The following KANK4 variants were observed in gnomAD, a reference collection of about 807,000 sequenced individuals.
KANK4 encodes the protein KN motif and ankyrin repeat domains 4.
A neutral mutation model predicts 80.8 loss-of-function variants in KANK4; 50 were observed. That is an observed-to-expected ratio of 0.62 (90% CI 0.49 to 0.78). KANK4 has a LOEUF of 0.78. Ranked by LOEUF, KANK4 falls within the 30% of genes least tolerant of loss-of-function variation. The pLI is 0.00. For missense variants in KANK4, 1,196 were observed against 1,240.1 expected, an observed-to-expected ratio of 0.96 and a Z score of 0.53; for synonymous variants, 465 against 506.9, an observed-to-expected ratio of 0.92 and a Z score of 1.11.
chr1:62,238,339 G>A lies in KANK4; in HGVS notation c.2926C>T (p.His976Tyr). Residue 976 changes from histidine to tyrosine, a missense_variant, in exon 10 of 10, where the codon CAT (histidine) becomes TAT (tyrosine). Transcript: ENST00000371153. ...ALSIALKSPT[H>Y]MEIAGLLRAH... ...CTCAGAAGCCCAGCAATTTCCATATGGGTGGGTGACTTCAGAGCGATGGAC... is the reference window on the plus strand; with the variant it reads ...CTCAGAAGCCCAGCAATTTCCATATAGGTGGGTGACTTCAGAGCGATGGAC... 6.2e-7 allele frequency: 1 copy of A among 1,614,062 alleles called. No individual in the cohort carries two copies. The highest frequency in any genetic ancestry group is 1.1e-5 in the South Asian group (1 of 91,076).
chr1:62,266,696 G>A, intron 6 of KANK4, 36 bp downstream of exon 6: 1 of 1,405,806 alleles, frequency 7.1e-7, no homozygotes, highest in Non-Finnish European at 1.0e-6. Context: ...TTAAACAGAA[G>A]GGAAATCTTT....
At chr1:62,310,271 G>A (rs1644487513) in intron 1 of KANK4, among the ~76,000 whole-genome samples, 2 of 152,224 alleles carry the variant, frequency 1.3e-5, no homozygotes, top group Admixed American at 1.3e-4. Flanking sequence ...AGACAAGGGG[G>A]ACGATCTAGG....
intron 1 of KANK4, among the ~76,000 whole-genome samples, chr1:62,299,937 G>C (rs1026349431): frequency 6.6e-6 from 1 of 152,058 alleles, no homozygotes; most frequent in Non-Finnish European, 1.5e-5. Context: ...GTCAGAAGGC[G>C]TTTTGGGCCC....
chr1:62,287,951 C>T (rs1048086324), intron 1 of KANK4, among the ~76,000 whole-genome samples: 22 of 152,122 alleles, frequency 1.4e-4, no homozygotes, highest in African/African-American at 3.9e-4. Flanking sequence ...AAATATACTG[C>T]GGAGCAAACT....
At chr1:62,259,173 C>T (rs748533045) in intron 7 of KANK4, among the ~76,000 whole-genome samples, 5 of 152,176 alleles carry the variant, frequency 3.3e-5, no homozygotes, top group Non-Finnish European at 5.9e-5. Context: ...TAAATTCAGA[C>T]TTTTGATGTT....
intron 1 of KANK4, among the ~76,000 whole-genome samples, chr1:62,288,766 C>A (rs1672622882): frequency 7.9e-5 from 12 of 152,154 alleles, no homozygotes; most frequent in Admixed American, 7.9e-4. Context: ...AGGAAAAAGA[C>A]CCCCACTCCA....
Position 62,274,996 on chromosome 1 carries a change from G to A in KANK4, c.108C>T (p.Asp36=), listed in dbSNP as rs771808153. Residue 36 remains aspartate (D), a synonymous_variant, in exon 3 of 10, where the codon GAC becomes GAT. Coordinates refer to ENST00000371153, the MANE Select transcript of KANK4 (RefSeq NM_181712.5). ...SVETPYGFHL[D]LDFLKYVDDI... ...CATCCACATACTTGAGGAAGTCCAG[G>A]TCTAAATGAAAGCCATATGGGGTCT... The A allele has an allele frequency of 1.9e-6, 3 of 1,613,938 alleles. No homozygotes were observed. Among genetic ancestry groups the A allele is most frequent in the East Asian group, 2.2e-5 (1 of 44,892 alleles).
intron 1 of KANK4, among the ~76,000 whole-genome samples, chr1:62,317,898 G>GA (rs1277749979): frequency 1.3e-5 from 2 of 152,160 alleles, no homozygotes; most frequent in African/African-American, 4.8e-5. Flanking sequence ...TTTGTTGATT[G>GA]AATCAGTCTG....
At chr1:62,250,527 C>G (rs1671588797) in intron 8 of KANK4, among the ~76,000 whole-genome samples, 1 of 152,200 alleles carries the variant, frequency 6.6e-6, no homozygotes, top group African/African-American at 2.4e-5. Flanking sequence ...TACCTCTGCT[C>G]TCTTCACATG....
chr1:62,275,193 G>A (rs1672281548), intron 2 of KANK4, 106 bp from the exon 3 acceptor site: 1 of 839,482 alleles, frequency 1.2e-6, no homozygotes, highest in South Asian at 1.9e-5. Flanking sequence ...TGTCACTTGA[G>A]ACTTCTTCTA....
intron 7 of KANK4, among the ~76,000 whole-genome samples, chr1:62,257,836 G>A (rs1671787947): frequency 6.6e-6 from 1 of 152,150 alleles, no homozygotes; most frequent in African/African-American, 2.4e-5. Flanking sequence ...TAAAGTCGAT[G>A]AGTATTAAGT....
At chr1:62,283,830 C>T (rs989080373) in intron 1 of KANK4, among the ~76,000 whole-genome samples, 1 of 152,104 alleles carries the variant, frequency 6.6e-6, no homozygotes, top group South Asian at 2.1e-4. Context: ...TTCAGCCCAT[C>T]GTATATCAGA....
chr1:62,259,566 C>G (rs921970046), intron 7 of KANK4, among the ~76,000 whole-genome samples: 4 of 152,096 alleles, frequency 2.6e-5, no homozygotes, highest in Non-Finnish European at 4.4e-5. Flanking sequence ...CGTGAGCCAC[C>G]GCGCCTGGAC....
chr1:62,303,822 A>C (rs1279485930), intron 1 of KANK4, among the ~76,000 whole-genome samples: 2 of 151,660 alleles, frequency 1.3e-5, no homozygotes, highest in Non-Finnish European at 2.9e-5. Flanking sequence ...TTTTCTTTTT[A>C]TTTTCTTTAA....
intron 1 of KANK4, among the ~76,000 whole-genome samples, chr1:62,299,573 G>A (rs1644394901): frequency 6.6e-6 from 1 of 152,122 alleles, no homozygotes; most frequent in Non-Finnish European, 1.5e-5. Context: ...GAAGGGGCGG[G>A]ACCAGGTTCC....
At chr1:62,318,749 GCAAGGACAGCA>G (rs1571065051) in intron 1 of KANK4, among the ~76,000 whole-genome samples, 1 of 152,196 alleles carries the variant, frequency 6.6e-6, no homozygotes, top group Admixed American at 6.5e-5. Flanking sequence ...CACCTGAGTC[GCAAGGACAGCA>G]CGGCCTCCCC....
chr1:62,256,592 A>G (rs1671757534), intron 7 of KANK4, among the ~76,000 whole-genome samples: 1 of 152,180 alleles, frequency 6.6e-6, no homozygotes, highest in Non-Finnish European at 1.5e-5. Flanking sequence ...CATGTTGGTC[A>G]GGTTGGTCTC....
intron 1 of KANK4, among the ~76,000 whole-genome samples, chr1:62,300,112 C>T (rs943102381): frequency 6.6e-6 from 1 of 152,136 alleles, no homozygotes; most frequent in African/African-American, 2.4e-5. Flanking sequence ...GAAAGTCCCC[C>T]TCCAGGGCAA....
chr1:62,303,830 T>C (rs1017209244), intron 1 of KANK4, among the ~76,000 whole-genome samples: 2 of 152,084 alleles, frequency 1.3e-5, no homozygotes, highest in Non-Finnish European at 2.9e-5. Flanking sequence ...TTATTTTCTT[T>C]AATGTACTCC....
Sources: allele counts gnomAD v4.1 joint callset (sites outside exome capture counted in the v4.1 genomes callset), GRCh38; gene constraint gnomAD v4.1.1; transcripts MANE v1.5; gene names NCBI Gene and HGNC (gene_info 2026-07-23, HGNC 2026-07-21).